Variants in FHL2 observed in about 807,000 individuals in gnomAD.
FHL2 encodes the protein four and a half LIM domains protein 2.
FHL2 carries 20 observed loss-of-function variants against 32.7 expected under a neutral mutation model. The ratio of observed to expected loss-of-function variants is 0.61; its 90% CI spans 0.43 to 0.89. FHL2 has a LOEUF of 0.89. FHL2 is among the 40% of genes least tolerant of loss of function. The pLI is 0.00. For synonymous variants in FHL2, 123 were observed against 128.1 expected (o/e 0.96, Z 0.27); for missense variants, 311 against 358.6 (o/e 0.87, Z 1.07).
chr2:105,425,575 G>A (rs796103156), intron 1 of FHL2, among the ~76,000 whole-genome samples: 101 of 137,582 alleles, frequency 7.3e-4, no homozygotes, highest in East Asian at 1.5e-3. Context: ...GGAACTGAAT[G>A]TCTCGGTGTA....
intron 2 of FHL2, among the ~76,000 whole-genome samples, chr2:105,394,601 G>T (rs1353587812): frequency 6.6e-6 from 1 of 150,410 alleles, no homozygotes; most frequent in African/African-American, 2.4e-5. Context: ...AGAAAAGAAG[G>T]AAAGAAAGAA....
At chr2:105,427,046 G>A (rs1351445416) in intron 1 of FHL2, among the ~76,000 whole-genome samples, 1 of 152,216 alleles carries the variant, frequency 6.6e-6, no homozygotes, top group Non-Finnish European at 1.5e-5. Context: ...CCTGAGAGGG[G>A]TGTGTAGGAG....
chr2:105,398,515 G>A (rs1011204791), intron 1 of FHL2, among the ~76,000 whole-genome samples: 161 of 152,302 alleles, frequency 1.1e-3, no homozygotes, highest in African/African-American at 3.8e-3. Flanking sequence ...GCAGCCGCCG[G>A]CTGGGACCCG....
At chr2:105,365,913 G>A (rs567434747) in intron 5 of FHL2, among the ~76,000 whole-genome samples, 1 of 151,914 alleles carries the variant, frequency 6.6e-6, no homozygotes, top group South Asian at 2.1e-4. Context: ...TAACAGTAAA[G>A]AACAAATGGG....
intron 6 of FHL2, among the ~76,000 whole-genome samples, chr2:105,362,704 C>G (rs1222665342): frequency 6.6e-6 from 1 of 152,230 alleles, no homozygotes; most frequent in Non-Finnish European, 1.5e-5. Flanking sequence ...CTCCTCTGTT[C>G]TCCACACTGA....
chr2:105,402,317 G>A (rs749636173), upstream of FHL2, among the ~76,000 whole-genome samples: 21 of 151,770 alleles, frequency 1.4e-4, no homozygotes, highest in Non-Finnish European at 2.2e-4. Flanking sequence ...CACTGTCTTG[G>A]CTCACTGAAA....
At chr2:105,438,257 G>A (rs933510396) in intron 1 of FHL2, 2 of 630,972 alleles carry the variant, frequency 3.2e-6, no homozygotes, top group East Asian at 1.4e-4. Flanking sequence ...TGGGGTCAGC[G>A]AGCTCCCAGT....
At chr2:105,407,437 A>T (rs1683671339) in intron 1 of FHL2, among the ~76,000 whole-genome samples, 1 of 151,960 alleles carries the variant, frequency 6.6e-6, no homozygotes, top group Admixed American at 6.6e-5. Context: ...GCCTAAGCCA[A>T]CATAAGGCTG....
intron 1 of FHL2, among the ~76,000 whole-genome samples, chr2:105,410,108 G>A (rs1190900230): frequency 1.3e-5 from 2 of 152,194 alleles, no homozygotes; most frequent in Non-Finnish European, 2.9e-5. Context: ...CACCAGAATC[G>A]GGACACAGGA....
chr2:105,368,431 C>G (rs892473044), intron 4 of FHL2, among the ~76,000 whole-genome samples: 3 of 152,132 alleles, frequency 2.0e-5, no homozygotes, highest in African/African-American at 7.2e-5. Flanking sequence ...ATCTGGGCTC[C>G]AGGGAAACTC....
At chr2:105,410,857 G>A (rs1683767794) in intron 1 of FHL2, among the ~76,000 whole-genome samples, 1 of 152,216 alleles carries the variant, frequency 6.6e-6, no homozygotes, top group Non-Finnish European at 1.5e-5. Flanking sequence ...GACCTTGGAG[G>A]TTGCAGTTAC....
At chr2:105,432,445 G>T (rs1684468113) in intron 1 of FHL2, among the ~76,000 whole-genome samples, 1 of 152,178 alleles carries the variant, frequency 6.6e-6, no homozygotes, top group African/African-American at 2.4e-5. Flanking sequence ...TCTATTCAAT[G>T]TAAATAAAGT....
intron 3 of FHL2, among the ~76,000 whole-genome samples, chr2:105,384,194 C>A (rs1236161223): frequency 6.6e-6 from 1 of 152,184 alleles, no homozygotes; most frequent in East Asian, 1.9e-4. Flanking sequence ...GATATCTGAA[C>A]CTCTCACCTA....
At chr2:105,417,095 G>A (rs867244043) in intron 1 of FHL2, among the ~76,000 whole-genome samples, 1 of 152,202 alleles carries the variant, frequency 6.6e-6, no homozygotes, top group Non-Finnish European at 1.5e-5. Context: ...AAAAAGATGT[G>A]TGTTGCGGCC....
intron 3 of FHL2, among the ~76,000 whole-genome samples, chr2:105,381,115 C>T (rs1334990115): frequency 6.6e-6 from 1 of 152,098 alleles, no homozygotes; most frequent in African/African-American, 2.4e-5. Flanking sequence ...CTCCCTCCTT[C>T]GCACCCCATT....
At chr2:105,386,272 G>T in intron 3 of FHL2, 89 bp downstream of exon 3, 1 of 1,467,190 alleles carries the variant, frequency 6.8e-7, no homozygotes, top group Non-Finnish European at 9.3e-7. Flanking sequence ...ACAGACTTCA[G>T]TGGTGGATCA....
chr2:105,407,038 T>C (rs575379692), intron 1 of FHL2, among the ~76,000 whole-genome samples: 4 of 152,346 alleles, frequency 2.6e-5, no homozygotes, highest in African/African-American at 9.6e-5. Context: ...GACATTTGAA[T>C]CTGTGTTCAC....
At chr2:105,423,270 A>G (rs56258802) in intron 1 of FHL2, among the ~76,000 whole-genome samples, 3 of 152,204 alleles carry the variant, frequency 2.0e-5, no homozygotes, top group East Asian at 3.8e-4. Context: ...TTACAGTTCG[A>G]TTTTGAATTA....
intron 1 of FHL2, among the ~76,000 whole-genome samples, chr2:105,421,825 C>G (rs1684110580): frequency 6.6e-6 from 1 of 152,206 alleles, no homozygotes; most frequent in South Asian, 2.1e-4. Flanking sequence ...CATGAGCTTG[C>G]AATGCAGTCT....
Sources: gnomAD v4.1 joint callset for allele counts (sites outside exome capture counted in the v4.1 genomes callset) on GRCh38, gnomAD v4.1.1 for gene constraint, MANE v1.5 for transcripts, NCBI Gene and HGNC (gene_info 2026-07-23, HGNC 2026-07-21) for gene names.